HRG: variants seen among roughly 807,000 people sequenced by gnomAD.
The protein encoded by HRG is histidine rich glycoprotein.
HRG carries 26 observed loss-of-function variants against 29.5 expected under a neutral mutation model. The observed-to-expected ratio is 0.88, with a 90% confidence interval of 0.65 to 1.22. The LOEUF is 1.22. HRG is among the 50% of genes most tolerant of loss of function. The pLI, the probability that HRG is intolerant of heterozygous loss-of-function variation, is 0.00. For synonymous variants in HRG, 243 were observed against 240.4 expected (o/e 1.01, Z -0.10); for missense variants, 671 against 654.5 (o/e 1.03, Z -0.28).
chr3:186,666,044 A>G lies in HRG; in HGVS notation c.13A>G (p.Ile5Val), dbSNP rs781333544. 2.5e-6 allele frequency: 4 copies of G among 1,614,222 alleles called. No individual in the cohort carries two copies. The highest frequency in any genetic ancestry group is 2.2e-5 in the South Asian group (2 of 91,088). The change falls in exon 1 of 7, where the codon ATT (isoleucine) becomes GTT (valine). Residue 5 changes from isoleucine to valine, a missense_variant. By Grantham distance (29) the Ile-to-Val change is conservative. Coordinates refer to ENST00000232003, the MANE Select transcript of HRG (RefSeq NM_000412.5). MKALIAALLLITLQY... is the reference protein window; with the variant it reads MKALVAALLLITLQY... ...ATGGTTTAACAAAATGAAGGCACTC[A>G]TTGCAGCACTGCTTTTGATCACATT...
chr3:186,673,235 C>G, intron 5 of HRG: 1 of 344,902 alleles, frequency 2.9e-6, no homozygotes, highest in Non-Finnish European at 5.6e-6. Flanking sequence ...TCCGGAGTAA[C>G]TGGGATTACA....
chr3:186,668,871 T>C (rs1718692134), intron 1 of HRG, 64 bp from the exon 2 acceptor site: 1 of 688,262 alleles, frequency 1.5e-6, no homozygotes, highest in Admixed American at 2.3e-5. Flanking sequence ...ATAGCTTTAA[T>C]ACATAAAAAA....
At chr3:186,669,564 A>C (rs937985804) in intron 2 of HRG, 8 of 365,604 alleles carry the variant, frequency 2.2e-5, no homozygotes, top group African/African-American at 1.7e-4. Flanking sequence ...GTGGGTATTG[A>C]CATGCCAGGC....
chr3:186,671,733 G>A lies in HRG; in HGVS notation c.502G>A (p.Glu168Lys), dbSNP rs1308406397. 1.9e-6 allele frequency: 3 copies of A among 1,614,006 alleles called. No individual in the cohort carries two copies. Among genetic ancestry groups the A allele is most frequent in the Admixed American group, 1.7e-5 (1 of 60,008 alleles). ...CAAAGCCCTTGAGAAGTACAAAGAG[G>A]AGAATGATGACTTTGCCTCTTTCAG... Reference protein sequence around the residue: ...ANKALEKYKEENDDFASFRVD... With the variant: ...ANKALEKYKEKNDDFASFRVD... Residue 168 changes from glutamate (E) to lysine (K), a missense_variant, in exon 4 of 7, where the codon GAG becomes AAG. Transcript: ENST00000232003.
chr3:186,677,476 C>A lies in HRG; in HGVS notation c.1171C>A (p.Pro391Thr). The change falls in exon 7 of 7, where the codon CCT (proline) becomes ACT (threonine). Residue 391 changes from proline to threonine, a missense_variant. Coordinates refer to ENST00000232003, the MANE Select transcript of HRG (RefSeq NM_000412.5). ...TGGACACCACCCCCATGGACACCAT[C>A]CTCATGGACACCACCCCCATGGACA... Reference protein sequence around the residue: ...PHGHHPHGHHPHGHHPHGHHP... With the variant: ...PHGHHPHGHHTHGHHPHGHHP... 1.3e-6 allele frequency: 2 copies of A among 1,591,976 alleles called. No individual in the cohort carries two copies. Among genetic ancestry groups the A allele is most frequent in the South Asian group, 2.3e-5 (2 of 88,466 alleles).
At chr3:186,667,490 A>G (rs1718650920) in intron 1 of HRG, among the ~76,000 whole-genome samples, 1 of 152,142 alleles carries the variant, frequency 6.6e-6, no homozygotes, top group South Asian at 2.1e-4. Flanking sequence ...TCAGCACGCC[A>G]AAAGTACCAT....
chr3:186,672,207 C>A (rs1344944655), intron 4 of HRG, among the ~76,000 whole-genome samples: 11 of 152,168 alleles, frequency 7.2e-5, no homozygotes, highest in African/African-American at 2.4e-4. Context: ...TACAAGGACC[C>A]AAGTACTTTC....
intron 3 of HRG, among the ~76,000 whole-genome samples, 183 bp from the exon 4 acceptor site, chr3:186,671,440 T>C (rs1235985387): frequency 1.3e-5 from 2 of 151,964 alleles, no homozygotes; most frequent in Non-Finnish European, 2.9e-5. Flanking sequence ...TCAGAAAGAC[T>C]CGAAGGAAGA....
Position 186,675,180 on chromosome 3 carries a change from T to C in HRG, c.731T>C (p.Phe244Ser). ...PKNLVINCEV[F>S]DPQEHENING... ...AACCTTGTCATAAACTGTGAAGTCT[T>C]CGACCCTCAGGTGGGTTGTCTAAGC... The change falls in exon 6 of 7, where the codon TTC (phenylalanine) becomes TCC (serine). Residue 244 changes from phenylalanine to serine, a missense_variant. Transcript: ENST00000232003. 6.2e-7 allele frequency: 1 copy of C among 1,611,974 alleles called. No individual in the cohort carries two copies. Among genetic ancestry groups the C allele is most frequent in the Non-Finnish European group, 8.5e-7 (1 of 1,178,086 alleles).
rs774895014 is a variant in HRG, at chr3:186,666,072, A to G, written c.41A>G (p.Gln14Arg). 6.2e-7 allele frequency: 1 copy of G among 1,614,230 alleles called. No homozygotes were observed. The highest frequency in any genetic ancestry group is 1.1e-5 in the South Asian group (1 of 91,086). The change falls in exon 1 of 7, where the codon CAG (glutamine) becomes CGG (arginine). Residue 14 changes from glutamine (Q) to arginine (R), a missense_variant. Physicochemically the swap from Gln to Arg is conservative, Grantham distance 43. Transcript: ENST00000232003. ...GCAGCACTGCTTTTGATCACATTGC[A>G]GTATTCGTGTGCCGTGAGTCCCACT... is the stretch of plus-strand genomic sequence containing the variant. ...LIAALLLITL[Q>R]YSCAVSPTDC...
At position 186,672,788 on chromosome 3, in the gene HRG, G is replaced by C; in HGVS notation, c.560G>C (p.Arg187Thr). ...CTATTTTGATCCCATCTGTTCTAGAGAGGAGGGGAAGGAACTGGTTACTTC... is the reference window on the plus strand; with the variant it reads ...CTATTTTGATCCCATCTGTTCTAGACAGGAGGGGAAGGAACTGGTTACTTC... ...VDRIERVARV[R>T]GGEGTGYFVD... The change falls in exon 5 of 7, where the codon AGA (arginine) becomes ACA (threonine). Residue 187 changes from arginine to threonine, a missense_variant and splice_region_variant. Coordinates refer to ENST00000232003, the MANE Select transcript of HRG (RefSeq NM_000412.5). The C allele has an allele frequency of 1.9e-6, 3 of 1,603,762 alleles. No homozygotes were observed. Among genetic ancestry groups the C allele is most frequent in the Non-Finnish European group, 2.6e-6 (3 of 1,170,618 alleles).
chr3:186,666,598 C>T (rs1718617712), intron 1 of HRG, among the ~76,000 whole-genome samples: 1 of 152,170 alleles, frequency 6.6e-6, no homozygotes, highest in Non-Finnish European at 1.5e-5. Flanking sequence ...CCTCCTAAGG[C>T]TCCTAACTGA....
At chr3:186,668,895 T>C (rs1275346841) in intron 1 of HRG, 40 bp from the exon 2 acceptor site, 1 of 1,089,598 alleles carries the variant, frequency 9.2e-7, no homozygotes, top group Non-Finnish European at 1.4e-6. Flanking sequence ...CCCGCTAGGT[T>C]TCCATGTGCT....
At chr3:186,671,564 C>G (rs1718791280) in intron 3 of HRG, 59 bp from the exon 4 acceptor site, 2 of 1,544,244 alleles carry the variant, frequency 1.3e-6, no homozygotes, top group Non-Finnish European at 9.0e-7. Flanking sequence ...ATTCTTGCCA[C>G]CAAGCCACCA....
At position 186,669,959 on chromosome 3, in the gene HRG, A is replaced by G. The variant is rs756590274; in HGVS notation, c.322A>G (p.Ile108Val). The G allele has an allele frequency of 6.3e-7, 1 of 1,594,688 alleles. No homozygotes were observed. The highest frequency in any genetic ancestry group is 8.6e-7 in the Non-Finnish European group (1 of 1,164,074). ...SEIVIGQCKVIATRHSHESQD... is the reference protein window; with the variant it reads ...SEIVIGQCKVVATRHSHESQD... The stretch of plus-strand genomic sequence containing the variant: ...ACAGGTGATCGGACAATGTAAGGTA[A>G]TAGCTACAAGACATTCCCATGAATC... The change falls in exon 3 of 7, where the codon ATA (isoleucine) becomes GTA (valine). Residue 108 changes from isoleucine (I) to valine (V), a missense_variant. Coordinates refer to ENST00000232003, the MANE Select transcript of HRG (RefSeq NM_000412.5).
In HRG at chr3:186,678,163, C is replaced by A; in HGVS notation, c.*280C>A. On this transcript the variant is annotated 3_prime_UTR_variant, in exon 7 of 7. Transcript: ENST00000232003. ...GAATCTCCTTCTTTCCTGGACTTAA[C>A]TCTAATTCTAGAGTCTCTGTTACTG... The A allele has an allele frequency of 2.4e-6, 1 of 420,088 alleles. No homozygotes were observed. The highest frequency in any genetic ancestry group is 4.4e-6 in the Non-Finnish European group (1 of 228,624). The allele number at this position is 420,088 out of a possible 1,614,324, so 26.0% of individuals were successfully genotyped here.
At chr3:186,666,775 T>C (rs1438523004) in intron 1 of HRG, among the ~76,000 whole-genome samples, 1 of 151,958 alleles carries the variant, frequency 6.6e-6, no homozygotes, top group East Asian at 1.9e-4. Flanking sequence ...TAGCTGGGCA[T>C]GGTGGTGCAC....
In HRG at chr3:186,677,709, G is replaced by A; in HGVS notation, c.1404G>A (p.Glu468=). 2 of 1,611,512 alleles carry A rather than the reference G, an allele frequency of 1.2e-6. No individual in the cohort carries two copies. Among genetic ancestry groups the A allele is most frequent in the Non-Finnish European group, 1.7e-6 (2 of 1,177,776 alleles). The change falls in exon 7 of 7, where the codon GAG becomes GAA. Residue 468 remains glutamate, a synonymous_variant. Transcript: ENST00000232003. ...GACTCCCTCCTCTAAGAAAAGGTGA[G>A]GTGCTGCCACTTCCTGAGGCCAATT... ...VYRLPPLRKG[E]VLPLPEANFP...
In HRG at chr3:186,666,083, G is replaced by GC. The variant is rs753404560; in HGVS notation, c.54dup (p.Val19ArgfsTer5). 1.2e-6 allele frequency: 2 copies of GC among 1,614,208 alleles called. No individual in the cohort carries two copies. Among genetic ancestry groups the GC allele is most frequent in the Non-Finnish European group, 1.7e-6 (2 of 1,180,016 alleles). On this transcript the variant is annotated frameshift_variant, in exon 1 of 7. Transcript: ENST00000232003. LOFTEE classifies it high-confidence loss of function. The stretch of plus-strand genomic sequence containing the variant: ...TTTGATCACATTGCAGTATTCGTGT[G>GC]CCGTGAGTCCCACTGACTGCAGTGC...
Sources: gnomAD v4.1 joint callset for allele counts (sites outside exome capture counted in the v4.1 genomes callset) on GRCh38, gnomAD v4.1.1 for gene constraint, MANE v1.5 for transcripts, NCBI Gene and HGNC (gene_info 2026-07-23, HGNC 2026-07-21) for gene names.